The following MALRD1 variants were observed in gnomAD, a reference collection of about 807,000 sequenced individuals.
The protein encoded by MALRD1 is MAM and LDL-receptor class A domain-containing protein 1.
In MALRD1, 247 loss-of-function variants were observed where a neutral mutation model predicts 242.1. The ratio of observed to expected loss-of-function variants is 1.02; its 90% CI spans 0.92 to 1.13. The LOEUF is 1.13. MALRD1 is among the 50% of genes most tolerant of loss of function. The pLI, the probability that MALRD1 is intolerant of heterozygous loss-of-function variation, is 0.00. For missense variants in MALRD1, 2,989 were observed against 2,533.1 expected, an observed-to-expected ratio of 1.18 and a Z score of -3.86; for synonymous variants, 995 against 866.6, an observed-to-expected ratio of 1.15 and a Z score of -2.60.
intron 18 of MALRD1, among the ~76,000 whole-genome samples, chr10:19,248,898 G>A (rs1044407896): frequency 1.0e-4 from 15 of 146,848 alleles, no homozygotes; most frequent in South Asian, 4.2e-4. Context: ...TATGATATAC[G>A]TGTATATCAT....
intron 7 of MALRD1, among the ~76,000 whole-genome samples, chr10:19,126,755 G>A (rs947629862): frequency 2.0e-5 from 3 of 150,826 alleles, no homozygotes; most frequent in Non-Finnish European, 4.4e-5. Flanking sequence ...TATTATTATG[G>A]TTATTTATTT....
At chr10:19,051,981 G>T (rs967955475) in intron 1 of MALRD1, 26 of 182,740 alleles carry the variant, frequency 1.4e-4, no homozygotes, top group Non-Finnish European at 2.3e-4. Flanking sequence ...CCTTAAAATA[G>T]AATGTGGACC....
At chr10:19,617,570 A>T (rs1398813497) in intron 36 of MALRD1, among the ~76,000 whole-genome samples, 2 of 152,052 alleles carry the variant, frequency 1.3e-5, no homozygotes, top group African/African-American at 2.4e-5. Context: ...GTACTAAAAA[A>T]GTAATATATG....
intron 28 of MALRD1, among the ~76,000 whole-genome samples, chr10:19,432,866 T>C (rs565414107): frequency 1.1e-4 from 17 of 152,368 alleles, no homozygotes; most frequent in African/African-American, 3.6e-4. Flanking sequence ...CAAAGGCTAC[T>C]GTGAACATTT....
At chr10:19,283,574 CTCCCCTT>C (rs1262868255) in intron 21 of MALRD1, among the ~76,000 whole-genome samples, 1 of 152,034 alleles carries the variant, frequency 6.6e-6, no homozygotes, top group East Asian at 1.9e-4. Context: ...CTTTTTTCCC[CTCCCCTT>C]TCCCCTTTCT....
chr10:19,127,730 T>C (rs1245911064), intron 7 of MALRD1, among the ~76,000 whole-genome samples: 1 of 152,108 alleles, frequency 6.6e-6, no homozygotes. Context: ...ACTGTAGATA[T>C]CTCATACCTC....
At position 19,719,080 on chromosome 10, in the gene MALRD1, G is replaced by C. The variant is rs189836920; in HGVS notation, c.6315-11626G>C. Among the ~76,000 whole-genome samples the C allele has an allele frequency of 3.0e-3, 450 of 149,832 alleles. 3 individuals carry two copies. Among genetic ancestry groups the C allele is most frequent in the African/African-American group, 0.01 (420 of 40,662 alleles). ...CAAGAGGCTGAGTAGGGAGGATTGC[G>C]TGAGTCCAGGAGGTCAAACTATGAT... On this transcript the variant is annotated intron_variant, in intron 38 of 39. Transcript: ENST00000454679.
At chr10:19,121,661 C>G (rs1426693178) in intron 5 of MALRD1, among the ~76,000 whole-genome samples, 1 of 152,072 alleles carries the variant, frequency 6.6e-6, no homozygotes, top group Admixed American at 6.5e-5. Context: ...AATAGCCGAG[C>G]AGAGATGAAA....
At chr10:19,641,126 A>G (rs1473060649) in intron 36 of MALRD1, among the ~76,000 whole-genome samples, 1 of 152,210 alleles carries the variant, frequency 6.6e-6, no homozygotes, top group African/African-American at 2.4e-5. Flanking sequence ...TTAATGTAAT[A>G]CAGTCTCTAT....
intron 28 of MALRD1, among the ~76,000 whole-genome samples, chr10:19,432,743 T>C (rs1834188883): frequency 6.6e-6 from 1 of 152,198 alleles, no homozygotes; most frequent in African/African-American, 2.4e-5. Flanking sequence ...TGAAAAGGCT[T>C]CTCCAAAGTG....
intron 11 of MALRD1, among the ~76,000 whole-genome samples, chr10:19,150,537 A>T (rs1833909739): frequency 6.6e-6 from 1 of 152,098 alleles, no homozygotes; most frequent in Admixed American, 6.6e-5. Flanking sequence ...ACTTGAGGAG[A>T]CTACCACACT....
chr10:19,489,556 T>G (rs1564385003), intron 29 of MALRD1, among the ~76,000 whole-genome samples: 6 of 152,182 alleles, frequency 3.9e-5, no homozygotes, highest in Admixed American at 2.0e-4. Flanking sequence ...TCCTATTTTT[T>G]AAGTGTAAAT....
chr10:19,239,706 A>T (rs931870565), intron 18 of MALRD1, among the ~76,000 whole-genome samples: 3 of 152,142 alleles, frequency 2.0e-5, no homozygotes, highest in Non-Finnish European at 4.4e-5. Flanking sequence ...TAATTTCATT[A>T]TCCCACATGT....
intron 14 of MALRD1, among the ~76,000 whole-genome samples, chr10:19,192,305 T>C (rs1836014234): frequency 6.6e-6 from 1 of 152,186 alleles, no homozygotes; most frequent in Non-Finnish European, 1.5e-5. Flanking sequence ...TACTCCTAAG[T>C]TGTGCACTTA....
At chr10:19,364,809 T>A (rs1422959758) in intron 26 of MALRD1, among the ~76,000 whole-genome samples, 1 of 152,116 alleles carries the variant, frequency 6.6e-6, no homozygotes, top group Non-Finnish European at 1.5e-5. Context: ...AGGGGTGAGA[T>A]GTGCAGTTTA....
chr10:19,208,859 T>G (rs571453520), intron 17 of MALRD1, among the ~76,000 whole-genome samples: 15 of 152,308 alleles, frequency 9.8e-5, no homozygotes, highest in Admixed American at 6.5e-4. Context: ...ATTCTGGGCT[T>G]CAGTGTTTGT....
At chr10:19,298,318 C>G (rs1309021116) in intron 21 of MALRD1, among the ~76,000 whole-genome samples, 1 of 151,998 alleles carries the variant, frequency 6.6e-6, no homozygotes, top group Admixed American at 6.6e-5. Context: ...CATAGATAAT[C>G]AGCGCCCATG....
intron 2 of MALRD1, among the ~76,000 whole-genome samples, chr10:19,084,048 C>A (rs1012045084): frequency 2.0e-5 from 3 of 151,958 alleles, no homozygotes; most frequent in African/African-American, 7.2e-5. Flanking sequence ...CCCTTTGTCA[C>A]TGAAGTCAGA....
rs951039510 is a variant in MALRD1 at position 19,713,052 on chromosome 10, G to A, written c.6315-17654G>A. Among the ~76,000 whole-genome samples, 5 of 149,452 alleles carry A rather than the reference G, an allele frequency of 3.3e-5. No homozygotes were observed. In the East Asian group the frequency reaches 5.9e-4, roughly 18 times the overall value. On this transcript the variant is annotated intron_variant, in intron 38 of 39. Coordinates refer to ENST00000454679, the MANE Select transcript of MALRD1 (RefSeq NM_001142308.3). ...TTAGAAACCAGAAATGAAGGGGGGG[G>A]TTCCTCTTTCAGCTTTGGAGGAGAC... is the stretch of plus-strand genomic sequence containing the variant.
Sources: allele counts gnomAD v4.1 joint callset (sites outside exome capture counted in the v4.1 genomes callset), GRCh38; gene constraint gnomAD v4.1.1; transcripts MANE v1.5; gene names NCBI Gene and HGNC (gene_info 2026-07-23, HGNC 2026-07-21).